Variants in EPHA4 observed in about 807,000 individuals in gnomAD.
EPHA4 encodes the protein ephrin type-A receptor 4.
A neutral mutation model predicts 108.3 loss-of-function variants in EPHA4; 19 were observed. The ratio of observed to expected loss-of-function variants is 0.18; its 90% CI spans 0.12 to 0.26. The LOEUF (loss-of-function observed/expected upper bound fraction) is 0.26, where lower values mean the gene tolerates loss of function less well. Among genes scored for constraint, EPHA4 ranks in the 10% least tolerant of loss-of-function variants. The probability of loss-of-function intolerance (pLI) is 1.00; values close to 1 mark genes in which losing one functional copy is unlikely to be tolerated. For missense variants in EPHA4, 917 were observed against 1,254.0 expected, an observed-to-expected ratio of 0.73 and a Z score of 4.06; for synonymous variants, 449 against 455.5, an observed-to-expected ratio of 0.99 and a Z score of 0.18.
intron 3 of EPHA4, among the ~76,000 whole-genome samples, chr2:221,534,749 A>G (rs1693616251): frequency 6.6e-6 from 1 of 152,148 alleles, no homozygotes; most frequent in African/African-American, 2.4e-5. Flanking sequence ...ATCAAACTCA[A>G]TAGCCTTTCA....
intron 3 of EPHA4, among the ~76,000 whole-genome samples, chr2:221,563,007 A>G (rs1209236732): frequency 3.3e-5 from 5 of 152,254 alleles, no homozygotes; most frequent in African/African-American, 9.6e-5. Context: ...ACTGAAATCA[A>G]TACCAAATTG....
chr2:221,522,895 G>A (rs905587894), intron 3 of EPHA4, among the ~76,000 whole-genome samples: 1 of 151,942 alleles, frequency 6.6e-6, no homozygotes, highest in African/African-American at 2.4e-5. Flanking sequence ...AGCCTCATGA[G>A]TAGCTGGGAT....
intron 3 of EPHA4, among the ~76,000 whole-genome samples, chr2:221,509,731 TAAGTA>T (rs1692767228): frequency 6.6e-6 from 1 of 152,170 alleles, no homozygotes; most frequent in Non-Finnish European, 1.5e-5. Context: ...AGCAAGAATG[TAAGTA>T]AAGAATGACA....
chr2:221,572,117 C>T (rs371364919), intron 1 of EPHA4, 41 bp downstream of exon 1: 4 of 1,563,738 alleles, frequency 2.6e-6, no homozygotes, highest in Non-Finnish European at 2.6e-6. Context: ...CGCGATGGCC[C>T]CTCGCTGTCC....
chr2:221,466,712 A>G (rs1179087978), intron 5 of EPHA4, among the ~76,000 whole-genome samples: 2 of 152,162 alleles, frequency 1.3e-5, no homozygotes, highest in Admixed American at 6.5e-5. Flanking sequence ...CAAAAACTCT[A>G]TGAGACAGGT....
chr2:221,545,724 A>G (rs1038048298), intron 3 of EPHA4, among the ~76,000 whole-genome samples: 5 of 151,824 alleles, frequency 3.3e-5, no homozygotes, highest in African/African-American at 1.2e-4. Flanking sequence ...CATCCCCTAA[A>G]CCCCAATGGC....
At chr2:221,490,971 C>T (rs1161104568) in intron 4 of EPHA4, among the ~76,000 whole-genome samples, 1 of 152,198 alleles carries the variant, frequency 6.6e-6, no homozygotes, top group East Asian at 1.9e-4. Context: ...CCAAGCAGGG[C>T]TGTCCATGAT....
chr2:221,435,467 AC>A (rs1160465891), intron 13 of EPHA4, among the ~76,000 whole-genome samples: 1 of 151,912 alleles, frequency 6.6e-6, no homozygotes, highest in Non-Finnish European at 1.5e-5. Context: ...AGAATACTAT[AC>A]CCCCCTGCCC....
upstream of EPHA4, chr2:221,573,845 C>T (rs1216225319): frequency 6.6e-6 from 1 of 152,264 alleles, no homozygotes; most frequent in African/African-American, 2.4e-5. The surrounding 1 kb of genome is among the most constrained non-coding windows in gnomAD (Gnocchi z 4.5). Flanking sequence ...TAGGGCTACT[C>T]CTACCGTGGG....
intron 4 of EPHA4, among the ~76,000 whole-genome samples, chr2:221,498,559 G>A (rs957161292): frequency 8.6e-5 from 13 of 151,844 alleles, no homozygotes; most frequent in African/African-American, 2.9e-4. Flanking sequence ...AGTCTATGGA[G>A]GAACAGGAAA....
At chr2:221,564,589 T>A (rs779044361) in intron 2 of EPHA4, among the ~76,000 whole-genome samples, 195 bp from the exon 3 acceptor site, 4 of 152,274 alleles carry the variant, frequency 2.6e-5, no homozygotes, top group Non-Finnish European at 4.4e-5. Flanking sequence ...TTTTTTTTGT[T>A]TGTTTAATTG....
intron 5 of EPHA4, among the ~76,000 whole-genome samples, chr2:221,461,585 C>T (rs2106121889): frequency 6.6e-6 from 1 of 152,164 alleles, no homozygotes; most frequent in East Asian, 1.9e-4. Context: ...GGTTCTTCCT[C>T]AACATCAACT....
At chr2:221,526,852 CAAAAAAAAAAAAAAAAAAAAAAAAAA>C (rs528335766) in intron 3 of EPHA4, among the ~76,000 whole-genome samples, 2 of 48,618 alleles carry the variant, frequency 4.1e-5, no homozygotes, top group East Asian at 7.3e-4. Context: ...GACTCGGCCT[CAAAAAAAAAAAAAAAAAAAAAAAAAA>C]AAAAAAAAAA....
Position 221,457,790 on chromosome 2 carries a change from G to A in EPHA4, c.1443+76C>T, listed in dbSNP as rs1691006498. ...GAAGAGAGGGAGGGAGGGAGGGAAG[G>A]AGAAAGGAAAGAAGAAAACAAAGAA... On this transcript the variant is annotated intron_variant, in intron 6 of 17. Transcript: ENST00000281821. 2.6e-6 allele frequency: 4 copies of A among 1,517,116 alleles called. No homozygotes were observed. In the South Asian group the frequency reaches 4.8e-5, roughly 18 times the overall value. 94.0% of individuals were successfully genotyped at this position (1,517,116 alleles called of 1,614,324 possible). A position where few individuals can be genotyped will look rare whatever the true frequency, so the allele number is the denominator to read the frequency against.
intron 5 of EPHA4, among the ~76,000 whole-genome samples, chr2:221,478,526 G>T (rs371091252): frequency 1.3e-5 from 2 of 152,102 alleles, no homozygotes; most frequent in Non-Finnish European, 2.9e-5. Flanking sequence ...GTAACTATTG[G>T]GGGAGCTCCA....
At chr2:221,450,519 A>G (rs1029875703) in intron 8 of EPHA4, among the ~76,000 whole-genome samples, 5 of 152,222 alleles carry the variant, frequency 3.3e-5, no homozygotes, top group African/African-American at 1.2e-4. Context: ...TCAGTTAAGA[A>G]GATATTAAAA....
chr2:221,456,676 G>C lies in EPHA4; in HGVS notation c.1540C>G (p.Arg514Gly). ...CCATAGCCAGCTGCTGTCCTGGCTC[G>C]CACGTGGAAAACATAGGAAGTGAGA... ...NPLTSYVFHVRARTAAGYGDF... is the reference protein window; with the variant it reads ...NPLTSYVFHVGARTAAGYGDF... The change falls in exon 7 of 18, where the codon CGA (arginine) becomes GGA (glycine). Residue 514 changes from arginine (R) to glycine (G), a missense_variant. Physicochemically the swap from Arg to Gly is moderately radical, Grantham distance 125. Transcript: ENST00000281821. The C allele has an allele frequency of 6.2e-7, 1 of 1,613,874 alleles. No homozygotes were observed. Among genetic ancestry groups the C allele is most frequent in the Non-Finnish European group, 8.5e-7 (1 of 1,179,878 alleles).
Position 221,455,656 on chromosome 2 carries a change from G to C in EPHA4, c.1606C>G (p.Pro536Ala). The C allele has an allele frequency of 6.2e-7, 1 of 1,611,684 alleles. No individual in the cohort carries two copies. Among genetic ancestry groups the C allele is most frequent in the South Asian group, 1.1e-5 (1 of 90,984 alleles). Residue 536 changes from proline (P) to alanine (A), a missense_variant and splice_region_variant, in exon 8 of 18, where the codon CCT becomes GCT. Around this residue, in one of 3 missense-constraint regions of EPHA4, gnomAD observed 758 missense variants for 1,076.7 expected, o/e 0.70. Transcript: ENST00000281821. ...EPLEVTTNTVPSRIIGDGANS... is the reference protein window; with the variant it reads ...EPLEVTTNTVASRIIGDGANS... ...GCCCCATCTCCAATGATCCGGGAAGGCACTGGGAATGACAATTGCATAAGG... is the reference window on the plus strand; with the variant it reads ...GCCCCATCTCCAATGATCCGGGAAGCCACTGGGAATGACAATTGCATAAGG...
intron 17 of EPHA4, among the ~76,000 whole-genome samples, chr2:221,422,780 C>T (rs1689793945): frequency 6.6e-6 from 1 of 152,292 alleles, no homozygotes; most frequent in African/African-American, 2.4e-5. Context: ...TTGAGTCAGT[C>T]GTGATGACAT....
Sources: gnomAD v4.1 joint callset for allele counts (sites outside exome capture counted in the v4.1 genomes callset) on GRCh38, gnomAD v4.1.1 for gene constraint, gnomAD v4.1.1 regional missense constraint, Gnocchi (gnomAD v3.1) non-coding constraint, MANE v1.5 for transcripts, NCBI Gene and HGNC (gene_info 2026-07-23, HGNC 2026-07-21) for gene names.